The following OLFML2B variants were observed in gnomAD, a reference collection of about 807,000 sequenced individuals.
OLFML2B encodes the protein olfactomedin like 2B.
A neutral mutation model predicts 74.9 loss-of-function variants in OLFML2B; 57 were observed. The ratio of observed to expected loss-of-function variants is 0.76; its 90% CI spans 0.61 to 0.95. The LOEUF is 0.95. OLFML2B is among the 40% of genes least tolerant of loss of function. OLFML2B has a pLI of 0.00. For synonymous variants in OLFML2B, 388 were observed against 405.8 expected (o/e 0.96, Z 0.53); for missense variants, 986 against 970.6 (o/e 1.02, Z -0.21).
chr1:162,008,502 C>G (rs1690293281), intron 3 of OLFML2B, among the ~76,000 whole-genome samples: 1 of 152,198 alleles, frequency 6.6e-6, no homozygotes, highest in Non-Finnish European at 1.5e-5. Context: ...ACAGACAGCT[C>G]TCAGCAGCAC....
intron 4 of OLFML2B, among the ~76,000 whole-genome samples, chr1:162,004,878 C>T (rs771834360): frequency 6.6e-6 from 1 of 152,252 alleles, no homozygotes; most frequent in African/African-American, 2.4e-5. Flanking sequence ...CTGGAACCCA[C>T]TCCCTGGGCA....
Position 162,005,902 on chromosome 1 carries a change from C to CTAAAAAAAAAA in OLFML2B, c.723+394_723+395insTTTTTTTTTTA, listed in dbSNP as rs368990706. 6.4e-5 allele frequency among the ~76,000 whole-genome samples: 5 copies of CTAAAAAAAAAA among 77,904 alleles called. 1 individual carries two copies. The highest frequency in any genetic ancestry group is 1.4e-4 in the African/African-American group (4 of 29,200). 51.1% of individuals were successfully genotyped at this position (77,904 alleles called of 152,430 possible). On this transcript the variant is annotated intron_variant, in intron 4 of 7. Coordinates refer to ENST00000294794, the MANE Select transcript of OLFML2B (RefSeq NM_015441.3). The stretch of plus-strand genomic sequence containing the variant: ...CCTTGGTGGCAGAGCTGGAACCTAT[C>CTAAAAAAAAAA]AAAAAAAAAAAAAAAAAAAAAAAAA...
At position 162,017,511 on chromosome 1, in the gene OLFML2B, T is replaced by C. The variant is rs369939825; in HGVS notation, c.439-4A>G. On this transcript the variant is annotated splice_polypyrimidine_tract_variant and splice_region_variant and intron_variant, in intron 2 of 7. Coordinates refer to ENST00000294794, the MANE Select transcript of OLFML2B (RefSeq NM_015441.3). Reference sequence around the variant, plus strand: ...ACATGTCTATGATTGTGGAGAGCTATGAAACAAGGCAAGGGGTTAGTCCAG... The same window carrying C: ...ACATGTCTATGATTGTGGAGAGCTACGAAACAAGGCAAGGGGTTAGTCCAG... The C allele has an allele frequency of 8.7e-6, 14 of 1,607,654 alleles. No homozygotes were observed. Among genetic ancestry groups the C allele is most frequent in the African/African-American group, 2.7e-5 (2 of 74,628 alleles).
chr1:162,009,267 C>T (rs1233070949), intron 3 of OLFML2B, among the ~76,000 whole-genome samples: 2 of 152,246 alleles, frequency 1.3e-5, no homozygotes, highest in Admixed American at 6.5e-5. Context: ...CTCTGAGGAG[C>T]GGACTGAGGA....
intron 6 of OLFML2B, among the ~76,000 whole-genome samples, chr1:161,986,999 A>T (rs576479206): frequency 6.6e-6 from 1 of 152,294 alleles, no homozygotes; most frequent in Admixed American, 6.5e-5. Flanking sequence ...GCAGCCCTGA[A>T]AATCCCTGCA....
In OLFML2B at chr1:162,023,436, G is replaced by A. The variant is rs749928154; in HGVS notation, c.-6C>T. ...AGCAGCCGAGGCTTGGCCATGAGGG[G>A]CGCGATAAGAGTGTCCTCAGCCCCT... is the stretch of plus-strand genomic sequence containing the variant. On this transcript the variant is annotated 5_prime_UTR_variant, in exon 1 of 8. Transcript: ENST00000294794. 4 of 1,552,162 alleles carry A rather than the reference G, an allele frequency of 2.6e-6. No individual in the cohort carries two copies. Among genetic ancestry groups the A allele is most frequent in the Admixed American group, 1.9e-5 (1 of 53,968 alleles).
At chr1:162,006,139 G>T (rs1328752853) in intron 4 of OLFML2B, among the ~76,000 whole-genome samples, 158 bp downstream of exon 4, 3 of 152,132 alleles carry the variant, frequency 2.0e-5, no homozygotes, top group Non-Finnish European at 2.9e-5. Context: ...GGAGTCAACT[G>T]CTCATCAAAT....
In OLFML2B at chr1:161,983,443, C is replaced by A; in HGVS notation, c.*232G>T. Reference sequence around the variant, plus strand: ...TGGTTACTGGTCAAAAGGAGAAGTTCATTTGCACAAAAATATAAACTGGGG... The same window carrying A: ...TGGTTACTGGTCAAAAGGAGAAGTTAATTTGCACAAAAATATAAACTGGGG... On this transcript the variant is annotated 3_prime_UTR_variant, in exon 8 of 8. Coordinates refer to ENST00000294794, the MANE Select transcript of OLFML2B (RefSeq NM_015441.3). 2.5e-6 allele frequency: 1 copy of A among 398,752 alleles called. No homozygotes were observed. 24.7% of individuals were successfully genotyped at this position (398,752 alleles called of 1,614,324 possible).
chr1:162,010,760 C>A (rs1690358329), intron 3 of OLFML2B, among the ~76,000 whole-genome samples: 1 of 152,050 alleles, frequency 6.6e-6, no homozygotes, highest in Non-Finnish European at 1.5e-5. Context: ...GGGGAGGGTG[C>A]TGGCTCTGGA....
Position 162,023,395 on chromosome 1 carries a change from A to C in OLFML2B, c.36T>G (p.Ala12=), listed in dbSNP as rs377668052. ...AKPRLLVLYF[A]LIVVPAWVSS... ...ACACCCAGGCCGGAACCACAATCAG[A>C]GCGAAGTAGAGAACTAGCAGCCGAG... The change falls in exon 1 of 8, where the codon GCT becomes GCG. Residue 12 remains alanine, a synonymous_variant. Coordinates refer to ENST00000294794, the MANE Select transcript of OLFML2B (RefSeq NM_015441.3). The C allele has an allele frequency of 1.1e-5, 17 of 1,591,510 alleles. No homozygotes were observed. Among genetic ancestry groups the C allele is most frequent in the Middle Eastern group, 1.7e-4 (1 of 5,992 alleles).
chr1:162,016,316 G>A (rs1378847694), intron 3 of OLFML2B, among the ~76,000 whole-genome samples: 1 of 152,212 alleles, frequency 6.6e-6, no homozygotes, highest in Non-Finnish European at 1.5e-5. Flanking sequence ...GGTAGGACAT[G>A]GCTGCTTGGC....
intron 3 of OLFML2B, among the ~76,000 whole-genome samples, chr1:162,016,955 T>TC (rs1472248679): frequency 6.6e-6 from 1 of 152,236 alleles, no homozygotes; most frequent in Non-Finnish European, 1.5e-5. Context: ...GTCTTCTTCC[T>TC]CTAAAATGAA....
At chr1:162,017,798 T>G (rs1183885555) in intron 2 of OLFML2B, among the ~76,000 whole-genome samples, 2 of 152,226 alleles carry the variant, frequency 1.3e-5, no homozygotes, top group Non-Finnish European at 2.9e-5. Flanking sequence ...ATGAAATCTG[T>G]CAGTTGCATT....
Position 161,997,970 on chromosome 1 carries a change from C to T in OLFML2B, c.1329G>A (p.Leu443=). The T allele has an allele frequency of 6.2e-7, 1 of 1,614,232 alleles. No homozygotes were observed. ...APPAVSPREA[L]MEAMHTVPVP... is the part of the protein sequence containing the mutation. ...CTGGGACTGTGTGCATAGCTTCCATCAATGCCTCCCTGGGAGACACTGCCG... is the reference window on the plus strand; with the variant it reads ...CTGGGACTGTGTGCATAGCTTCCATTAATGCCTCCCTGGGAGACACTGCCG... The change falls in exon 6 of 8, where the codon TTG becomes TTA. Residue 443 remains leucine (L), a synonymous_variant. Transcript: ENST00000294794.
chr1:161,996,401 A>G (rs1689901524), intron 6 of OLFML2B, among the ~76,000 whole-genome samples: 1 of 152,220 alleles, frequency 6.6e-6, no homozygotes, highest in African/African-American at 2.4e-5. Flanking sequence ...TATCAATGGC[A>G]GAGAGCAGTG....
intron 6 of OLFML2B, among the ~76,000 whole-genome samples, chr1:161,994,233 C>T (rs1689823089): frequency 6.6e-6 from 1 of 152,228 alleles, no homozygotes; most frequent in Non-Finnish European, 1.5e-5. Flanking sequence ...TGCAGAGGCT[C>T]TGGAAGCTGT....
At chr1:162,023,191 G>A in intron 1 of OLFML2B, 66 bp downstream of exon 1, 4 of 1,412,510 alleles carry the variant, frequency 2.8e-6, no homozygotes, top group Non-Finnish European at 3.8e-6. Flanking sequence ...ACTTCAGCAA[G>A]GACCAGCTTC....
Position 161,984,129 on chromosome 1 carries a change from A to G in OLFML2B, c.1799T>C (p.Met600Thr). 6.2e-7 allele frequency: 1 copy of G among 1,611,484 alleles called. No homozygotes were observed. The highest frequency in any genetic ancestry group is 8.5e-7 in the Non-Finnish European group (1 of 1,178,458). The change falls in exon 8 of 8, where the codon ATG (methionine) becomes ACG (threonine). Residue 600 changes from methionine (M) to threonine (T), a missense_variant. Met to Thr is a moderately conservative substitution (Grantham distance 81). Coordinates refer to ENST00000294794, the MANE Select transcript of OLFML2B (RefSeq NM_015441.3). ...CTCCTCGTAGGCCACGTCATGCAGC[A>G]TGGCCCAGGCAGCCACGTAGCGCTG... Reference protein sequence around the residue: ...LKQRYVAAWAMLHDVAYEEAT... With the variant: ...LKQRYVAAWATLHDVAYEEAT...
intron 1 of OLFML2B, among the ~76,000 whole-genome samples, chr1:162,020,537 T>C (rs557947375): frequency 6.6e-6 from 1 of 152,094 alleles, no homozygotes; most frequent in East Asian, 1.9e-4. Context: ...TTTTTCTTTT[T>C]TTTTTTTGAG....
Sources: allele counts gnomAD v4.1 joint callset (sites outside exome capture counted in the v4.1 genomes callset), GRCh38; gene constraint gnomAD v4.1.1; transcripts MANE v1.5; gene names NCBI Gene and HGNC (gene_info 2026-07-23, HGNC 2026-07-21).